Variants in MYH7B observed in about 807,000 individuals in gnomAD.
MYH7B encodes the protein myosin heavy chain 7B.
In MYH7B, 205 loss-of-function variants were observed where a neutral mutation model predicts 234.5. That is an observed-to-expected ratio of 0.87 (90% CI 0.78 to 0.98). The LOEUF is 0.98. MYH7B is among the 50% of genes least tolerant of loss of function. The pLI, the probability that MYH7B is intolerant of heterozygous loss-of-function variation, is 0.00. For synonymous variants in MYH7B, 1,193 were observed against 1,105.0 expected (o/e 1.08, Z -1.58); for missense variants, 2,652 against 2,633.4 (o/e 1.01, Z -0.15).
chr20:34,983,290 TTTC>T (rs1247944061), intron 10 of MYH7B, among the ~76,000 whole-genome samples: 3 of 56,620 alleles, frequency 5.3e-5, no homozygotes, highest in African/African-American at 8.4e-5. Flanking sequence ...TTTCTTTTCT[TTTC>T]TTTTCTTTTT....
intron 3 of MYH7B, among the ~76,000 whole-genome samples, chr20:34,977,079 A>G (rs1267049159): frequency 2.0e-5 from 1 of 51,004 alleles, no homozygotes; most frequent in Non-Finnish European, 3.8e-5. Context: ...TCTCCCTCTC[A>G]CTCCTTCTCT....
At chr20:34,963,468 A>G (rs1385736941) in intron 2 of MYH7B, among the ~76,000 whole-genome samples, 1 of 152,238 alleles carries the variant, frequency 6.6e-6, no homozygotes, top group Non-Finnish European at 1.5e-5. Flanking sequence ...AATTCTTTAT[A>G]TATTCAGGAT....
At position 34,979,374 on chromosome 20, in the gene MYH7B, T is replaced by G. The variant is rs766650417; in HGVS notation, c.92-16T>G. 3.8e-6 allele frequency: 6 copies of G among 1,599,230 alleles called. No individual in the cohort carries two copies. The East Asian group carries it at 1.3e-4, about 36-fold the overall frequency. ...CTCAGCCCCTCTCTGAGTCCAGAGCTCTCTCTGCAACCCAGGGAAGAAGCG... is the reference window on the plus strand; with the variant it reads ...CTCAGCCCCTCTCTGAGTCCAGAGCGCTCTCTGCAACCCAGGGAAGAAGCG... On this transcript the variant is annotated splice_polypyrimidine_tract_variant and intron_variant, in intron 5 of 44. Transcript: ENST00000262873.
Position 34,989,917 on chromosome 20 carries a change from G to A in MYH7B, c.1765G>A (p.Val589Met), listed in dbSNP as rs571377722. 3.7e-5 allele frequency: 60 copies of A among 1,613,846 alleles called. No homozygotes were observed. In the East Asian group the frequency reaches 3.8e-4, roughly 10 times the overall value. Residue 589 changes from valine to methionine, a missense_variant and splice_region_variant, in exon 20 of 45, where the codon GTG becomes ATG. Val to Met is a conservative substitution (Grantham distance 21, BLOSUM62 1). This residue lies in a region of MYH7B where 2,279 missense variants were observed against 2,211.4 expected (regional missense o/e 1.03). Coordinates refer to ENST00000262873, the Ensembl canonical transcript of MYH7B. ...CTTCGAGGTGGTCCACTACGCAGGC[G>A]TGGTAGGTGCTTGCTGGAACCCCAG...
exon 12 of MYH7B, chr20:34,984,922 G>A (rs769439384): frequency 4.6e-5 from 75 of 1,613,912 alleles, no homozygotes; most frequent in Non-Finnish European, 6.3e-5. Flanking sequence ...CCAAGACCCT[G>A]AGGAATGATA....
chr20:34,964,966 T>A (rs945787843), intron 2 of MYH7B, among the ~76,000 whole-genome samples: 2 of 148,302 alleles, frequency 1.3e-5, no homozygotes, highest in Non-Finnish European at 2.9e-5. Context: ...TATGTTGAAC[T>A]CTTATGTGCC....
intron 10 of MYH7B, among the ~76,000 whole-genome samples, chr20:34,983,227 T>C (rs1036453113): frequency 2.6e-5 from 4 of 152,014 alleles, no homozygotes; most frequent in African/African-American, 4.8e-5. Context: ...TCTGGGTGTT[T>C]TTCTTGTTTT....
rs761765978 is a variant in MYH7B, at chr20:34,991,132, C to T, written c.2183+11C>T. The stretch of plus-strand genomic sequence containing the variant: ...CGACTTCCGGCAGCGGTGGGTGACC[C>T]CTTCCCCCTGCCTGCTGCTCCAGGT... On this transcript the variant is annotated intron_variant, in intron 24 of 44. Transcript: ENST00000262873. 6.3e-7 allele frequency: 1 copy of T among 1,580,040 alleles called. No individual in the cohort carries two copies. The highest frequency in any genetic ancestry group is 1.3e-5 in the African/African-American group (1 of 74,312).
rs558448583 is a variant in MYH7B, at chr20:35,000,502, G to A, written c.4991G>A (p.Arg1664Gln). The A allele has an allele frequency of 1.3e-5, 21 of 1,598,346 alleles. No homozygotes were observed. The highest frequency in any genetic ancestry group is 8.0e-5 in the African/African-American group (6 of 74,926). ...CAGCTCAAGGAGGAGCAGGCAGGGC[G>A]GGACGAGGAGCAGCGGCTGGCAGCT... Residue 1664 changes from arginine (R) to glutamine (Q), a missense_variant, in exon 39 of 45, where the codon CGG becomes CAG. Physicochemically the swap from Arg to Gln is conservative, Grantham distance 43 (BLOSUM62 1). This residue lies in a region of MYH7B where 2,279 missense variants were observed against 2,211.4 expected (regional missense o/e 1.03). Coordinates refer to ENST00000262873, the Ensembl canonical transcript of MYH7B.
At chr20:34,964,840 C>G (rs2081729362) in intron 2 of MYH7B, among the ~76,000 whole-genome samples, 1 of 152,124 alleles carries the variant, frequency 6.6e-6, no homozygotes, top group South Asian at 2.1e-4. Context: ...AGGAATGACC[C>G]TTTTTCTGGG....
intron 1 of MYH7B, among the ~76,000 whole-genome samples, 101 bp from the exon 2 acceptor site, chr20:34,957,997 T>A (rs1367225481): frequency 6.6e-6 from 1 of 152,186 alleles, no homozygotes; most frequent in African/African-American, 2.4e-5. Context: ...AGGCCCCAGG[T>A]GGCAGGAAGA....
intron 2 of MYH7B, among the ~76,000 whole-genome samples, chr20:34,970,399 AGTCCTG>A (rs956253129): frequency 3.3e-5 from 5 of 152,186 alleles, no homozygotes; most frequent in South Asian, 2.1e-4. Context: ...CATGTCCACT[AGTCCTG>A]TAGTCACACC....
rs36001113 is a variant in MYH7B at position 34,988,806 on chromosome 20, C to CT, written c.1587+565dup. On this transcript the variant is annotated intron_variant, in intron 19 of 44. Transcript: ENST00000262873. ...TTCATTTCCTCGAAATCCTTTATCCCTTTTTTTTTTTTTTTTTTTTTGAGA... is the reference window on the plus strand; with the variant it reads ...TTCATTTCCTCGAAATCCTTTATCCCTTTTTTTTTTTTTTTTTTTTTTGAGA... Among the ~76,000 whole-genome samples the CT allele has an allele frequency of 1.7e-3, 190 of 113,196 alleles. 1 individual carries two copies. Among genetic ancestry groups the CT allele is most frequent in the Non-Finnish European group, 2.7e-3 (150 of 56,424 alleles). The allele number at this position is 113,196 out of a possible 152,430, so 74.3% of individuals were successfully genotyped here.
intron 18 of MYH7B, 78 bp downstream of exon 18, chr20:34,987,992 G>A: frequency 3.2e-6 from 5 of 1,560,276 alleles, no homozygotes; most frequent in Non-Finnish European, 4.3e-6. Flanking sequence ...AGAAGCCCTG[G>A]CCTTCTGCCT....
intron 27 of MYH7B, among the ~76,000 whole-genome samples, chr20:34,995,062 G>A (rs1268582801): frequency 5.9e-5 from 9 of 152,214 alleles, no homozygotes; most frequent in African/African-American, 1.7e-4. Flanking sequence ...GCCCAACAGC[G>A]GGGCAGTGAG....
At chr20:34,980,829 C>G in intron 8 of MYH7B, 95 bp downstream of exon 8, 2 of 1,545,752 alleles carry the variant, frequency 1.3e-6, no homozygotes, top group Non-Finnish European at 8.8e-7. Flanking sequence ...GGCACTGCCC[C>G]CCTTTTGACG....
chr20:34,999,318 G>A lies in MYH7B; in HGVS notation c.4453G>A (p.Gly1485Ser). ...GGCACAGAGGGAGTCCCGTGGCCTG[G>A]GCACCGAGCTCTTCCGGCTGCGGCA... The change falls in exon 36 of 45, where the codon GGC becomes AGC. Residue 1485 changes from glycine to serine, a missense_variant. Gly to Ser is a moderately conservative substitution (Grantham distance 56). This residue lies in a region of MYH7B where 2,279 missense variants were observed against 2,211.4 expected (regional missense o/e 1.03). Coordinates refer to ENST00000262873, the Ensembl canonical transcript of MYH7B. 6.3e-7 allele frequency: 1 copy of A among 1,576,060 alleles called. No homozygotes were observed. The highest frequency in any genetic ancestry group is 8.6e-7 in the Non-Finnish European group (1 of 1,159,848).
chr20:34,961,153 T>G (rs1264725340), intron 2 of MYH7B, among the ~76,000 whole-genome samples: 1 of 152,206 alleles, frequency 6.6e-6, no homozygotes, highest in African/African-American at 2.4e-5. Context: ...GGGAGATAAC[T>G]TACTTATAGA....
intron 2 of MYH7B, among the ~76,000 whole-genome samples, chr20:34,964,981 A>C (rs1397436795): frequency 6.7e-6 from 1 of 148,296 alleles, no homozygotes; most frequent in African/African-American, 2.6e-5. Context: ...TGTGCCAGGC[A>C]CTTACGCCTT....
Sources: allele counts gnomAD v4.1 joint callset (sites outside exome capture counted in the v4.1 genomes callset), GRCh38; gene constraint gnomAD v4.1.1; regional missense constraint gnomAD v4.1.1; transcripts MANE v1.5; gene names NCBI Gene and HGNC (gene_info 2026-07-23, HGNC 2026-07-21).